The following MYH11 variants were observed in gnomAD, a reference collection of about 807,000 sequenced individuals.
MYH11 encodes myosin heavy chain 11.
In MYH11, 80 loss-of-function variants were observed where a neutral mutation model predicts 246.6. That is an observed-to-expected ratio of 0.32 (90% CI 0.27 to 0.39). MYH11 has a LOEUF of 0.39. MYH11 is among the 10% of genes least tolerant of loss of function. The probability of loss-of-function intolerance (pLI) is 1.00; values close to 1 mark genes in which losing one functional copy is unlikely to be tolerated. For synonymous variants in MYH11, 1,071 were observed against 1,015.5 expected (o/e 1.05, Z -1.04); for missense variants, 2,158 against 2,546.8 (o/e 0.85, Z 3.29).
In MYH11 at chr16:15,803,278, A is replaced by ATT. The variant is rs59001579; in HGVS notation, c.503-4593_503-4592dup. On this transcript the variant is annotated intron_variant, in intron 3 of 40. Coordinates refer to ENST00000300036, the MANE Select transcript of MYH11 (RefSeq NM_002474.3). ...CAGAGCAAAATGGGAAACCAGTTTA[A>ATT]TTTTTTTTTTTTTTCTGAAATGGAG... Among the ~76,000 whole-genome samples, 177 of 143,582 alleles carry ATT rather than the reference A, an allele frequency of 1.2e-3. 1 individual carries two copies. The highest frequency in any genetic ancestry group is 7.2e-3 in the Middle Eastern group (2 of 278). The allele number at this position is 143,582 out of a possible 152,430, so 94.2% of individuals were successfully genotyped here. A position where few individuals can be genotyped will look rare whatever the true frequency, so the allele number is the denominator to read the frequency against.
intron 40 of MYH11, among the ~76,000 whole-genome samples, chr16:15,704,649 GAGA>G (rs2039352118): frequency 6.6e-6 from 1 of 152,174 alleles, no homozygotes; most frequent in South Asian, 2.1e-4. Flanking sequence ...GGGCAGCCTT[GAGA>G]AGGACACAGA....
At chr16:15,771,404 C>A (rs2042096710) in intron 9 of MYH11, among the ~76,000 whole-genome samples, 165 bp downstream of exon 9, 1 of 151,046 alleles carries the variant, frequency 6.6e-6, no homozygotes, top group African/African-American at 2.4e-5. Context: ...ACAACACAAA[C>A]AAACCACCTA....
chr16:15,704,411 G>C (rs2039341674), intron 40 of MYH11, among the ~76,000 whole-genome samples: 1 of 152,108 alleles, frequency 6.6e-6, no homozygotes, highest in Non-Finnish European at 1.5e-5. Flanking sequence ...AATATGTCAG[G>C]CTTGGTCATT....
chr16:15,758,029 G>A, intron 12 of MYH11, 29 bp from the exon 13 acceptor site: 1 of 1,612,602 alleles, frequency 6.2e-7, no homozygotes, highest in Non-Finnish European at 8.5e-7. Flanking sequence ...GGCGGGGCGT[G>A]AGCATCTTGG....
chr16:15,848,098 A>T (rs1412782850), intron 1 of MYH11, among the ~76,000 whole-genome samples: 1 of 152,196 alleles, frequency 6.6e-6, no homozygotes, highest in Non-Finnish European at 1.5e-5. Flanking sequence ...TGGGTCCCCA[A>T]AACAACATTT....
At chr16:15,814,711 G>T (rs1166407509) in intron 3 of MYH11, among the ~76,000 whole-genome samples, 9 of 151,784 alleles carry the variant, frequency 5.9e-5, no homozygotes, top group Admixed American at 5.9e-4. Context: ...TGGAAGAAAA[G>T]ATCAAGGAGG....
At position 15,768,073 on chromosome 16, in the gene MYH11, C is replaced by T. The variant is rs569033258; in HGVS notation, c.1033+3496G>A. ...GATTACAGGCATGAGCCATTATGCC[C>T]GGCTCCTGCCGACACCCTGATTTCA... On this transcript the variant is annotated intron_variant, in intron 9 of 40. Transcript: ENST00000300036. Among the ~76,000 whole-genome samples, 439 of 152,196 alleles carry T rather than the reference C, an allele frequency of 2.9e-3. 3 individuals carry two copies. The highest frequency in any genetic ancestry group is 0.014 in the Middle Eastern group (4 of 294).
chr16:15,737,707 A>C (rs536374138), intron 24 of MYH11, 87 bp from the exon 25 acceptor site: 1 of 1,477,656 alleles, frequency 6.8e-7, no homozygotes, highest in Non-Finnish European at 9.3e-7. Flanking sequence ...TTTTACCCGG[A>C]GGAGATGAAC....
At chr16:15,711,674 G>T (rs2039803173) in intron 40 of MYH11, among the ~76,000 whole-genome samples, 1 of 152,116 alleles carries the variant, frequency 6.6e-6, no homozygotes, top group African/African-American at 2.4e-5. Context: ...GGTTCACTCT[G>T]CCTGGTGCTG....
Position 15,721,609 on chromosome 16 carries a change from G to A in MYH11, c.4391C>T (p.Ser1464Phe), listed in dbSNP as rs1358518980. 1.9e-6 allele frequency: 3 copies of A among 1,614,068 alleles called. No individual in the cohort carries two copies. The African/African-American group carries it at 4.0e-5, about 22-fold the overall frequency. Residue 1464 changes from serine to phenylalanine, a missense_variant, in exon 32 of 41, where the codon TCT becomes TTT. Physicochemically the swap from Ser to Phe is radical, Grantham distance 155 (BLOSUM62 -2). This residue lies in a region of MYH11 where 1,013 missense variants were observed against 993.5 expected (regional missense o/e 1.02). Coordinates refer to ENST00000300036, the MANE Select transcript of MYH11 (RefSeq NM_002474.3). ...DQLLAEEKNI[S>F]SKYADERDRA... ...GTCCCTCTCATCCGCGTATTTGGAA[G>A]AGATGTTTTTCTCCTCGGCTAACAA...
chr16:15,856,703 C>T (rs554133267), intron 1 of MYH11, among the ~76,000 whole-genome samples: 2 of 151,840 alleles, frequency 1.3e-5, no homozygotes, highest in South Asian at 2.1e-4. Flanking sequence ...TTAATAAGCA[C>T]CCCCAAAATG....
chr16:15,844,533 A>G (rs2044139307), intron 1 of MYH11, among the ~76,000 whole-genome samples: 1 of 152,154 alleles, frequency 6.6e-6, no homozygotes, highest in Admixed American at 6.6e-5. Flanking sequence ...AATACAAACA[A>G]AAAGGAGGGG....
chr16:15,726,613 C>G, intron 28 of MYH11: 1 of 598,184 alleles, frequency 1.7e-6, no homozygotes, highest in Non-Finnish European at 3.0e-6. Flanking sequence ...GGTGATCCAC[C>G]CACCTCTGTC....
intron 4 of MYH11, among the ~76,000 whole-genome samples, chr16:15,793,782 G>A (rs2042675559): frequency 6.7e-6 from 1 of 148,412 alleles, no homozygotes; most frequent in African/African-American, 2.5e-5. Context: ...ACCATGCCCG[G>A]CTAATTTTTT....
At chr16:15,730,769 C>T (rs532449766) in intron 27 of MYH11, among the ~76,000 whole-genome samples, 4 of 152,206 alleles carry the variant, frequency 2.6e-5, no homozygotes, top group African/African-American at 7.2e-5. Context: ...GGCCGAAGGT[C>T]GCAAGCTAAA....
chr16:15,845,409 G>T (rs912558899), intron 1 of MYH11, among the ~76,000 whole-genome samples: 3 of 149,934 alleles, frequency 2.0e-5, no homozygotes, highest in African/African-American at 7.4e-5. Context: ...CAAAAGATAG[G>T]ACACCCCTGA....
chr16:15,821,246 A>G (rs1310174080), intron 3 of MYH11, among the ~76,000 whole-genome samples: 10 of 152,304 alleles, frequency 6.6e-5, no homozygotes, highest in Admixed American at 5.9e-4. Flanking sequence ...TACTATCTAC[A>G]GTGAAACTTT....
chr16:15,796,813 G>A (rs750072892), intron 4 of MYH11, among the ~76,000 whole-genome samples: 13 of 152,188 alleles, frequency 8.5e-5, no homozygotes, highest in South Asian at 2.1e-4. Flanking sequence ...AAGAGACCAT[G>A]AGCCAAGGAA....
chr16:15,766,904 G>A (rs2041995433), intron 9 of MYH11, among the ~76,000 whole-genome samples: 1 of 152,216 alleles, frequency 6.6e-6, no homozygotes, highest in Non-Finnish European at 1.5e-5. Context: ...GGTGGTGACG[G>A]CTGGCAGCAT....
Sources: gnomAD v4.1 joint callset for allele counts (sites outside exome capture counted in the v4.1 genomes callset) on GRCh38, gnomAD v4.1.1 for gene constraint, gnomAD v4.1.1 regional missense constraint, MANE v1.5 for transcripts, NCBI Gene and HGNC (gene_info 2026-07-23, HGNC 2026-07-21) for gene names.